COL23A1: variants seen among roughly 807,000 people sequenced by gnomAD.
COL23A1 encodes collagen alpha-1(XXIII) chain.
COL23A1 carries 97 observed loss-of-function variants against 99.3 expected under a neutral mutation model. The observed-to-expected ratio is 0.98, with a 90% CI of 0.83 to 1.16. The LOEUF (loss-of-function observed/expected upper bound fraction) is 1.16, where lower values mean the gene tolerates loss of function less well. COL23A1 is among the 50% of genes most tolerant of loss of function. COL23A1 has a pLI of 0.00. For missense variants in COL23A1, 762 were observed against 757.4 expected (o/e 1.01, Z -0.07); for synonymous variants, 320 against 308.2 (o/e 1.04, Z -0.40).
chr5:178,355,665 TG>T (rs919464775), intron 2 of COL23A1, among the ~76,000 whole-genome samples: 3 of 152,248 alleles, frequency 2.0e-5, no homozygotes, highest in African/African-American at 7.2e-5. Flanking sequence ...CCCGAGTAGC[TG>T]GGACCACAGG....
At chr5:178,260,522 C>T (rs556627493) in intron 11 of COL23A1, among the ~76,000 whole-genome samples, 7 of 152,290 alleles carry the variant, frequency 4.6e-5, no homozygotes, top group Middle Eastern at 6.8e-3. Context: ...TGGCCGGGCA[C>T]GGTGGCTCAT....
intron 2 of COL23A1, among the ~76,000 whole-genome samples, chr5:178,407,408 C>T (rs1764824383): frequency 6.6e-6 from 1 of 152,200 alleles, no homozygotes; most frequent in Non-Finnish European, 1.5e-5. Flanking sequence ...TAGCACAATA[C>T]ACAAAATGTC....
At chr5:178,259,803 C>T (rs548230851) in intron 11 of COL23A1, 56 bp from the exon 12 acceptor site, 40 of 1,507,450 alleles carry the variant, frequency 2.7e-5, no homozygotes, top group Admixed American at 2.1e-4. Context: ...GAGAGTGGCC[C>T]GGACCCCGGA....
intron 5 of COL23A1, among the ~76,000 whole-genome samples, chr5:178,273,476 A>G (rs10044002): frequency 0.015 from 2,242 of 152,296 alleles, 43 homozygotes; most frequent in African/African-American, 0.051. Flanking sequence ...GTGATCAGAG[A>G]GCTCTGGGAG....
At chr5:178,396,877 G>T (rs1764178130) in intron 2 of COL23A1, among the ~76,000 whole-genome samples, 2 of 152,178 alleles carry the variant, frequency 1.3e-5, no homozygotes, top group Admixed American at 1.3e-4. Flanking sequence ...CTGGGCTCCT[G>T]CCCAGGACTG....
chr5:178,514,439 T>C (rs1759391700), intron 2 of COL23A1, among the ~76,000 whole-genome samples: 2 of 152,248 alleles, frequency 1.3e-5, no homozygotes, highest in Non-Finnish European at 2.9e-5. Flanking sequence ...GTGGGATTGC[T>C]GGATCATATG....
At chr5:178,546,729 A>ATG (rs1397849569) in intron 2 of COL23A1, among the ~76,000 whole-genome samples, 1 of 152,218 alleles carries the variant, frequency 6.6e-6, no homozygotes, top group Admixed American at 6.5e-5. Context: ...TATTTGTACC[A>ATG]TGTAGCAAGG....
intron 2 of COL23A1, among the ~76,000 whole-genome samples, chr5:178,333,830 G>C (rs750619818): frequency 7.2e-5 from 11 of 152,174 alleles, no homozygotes; most frequent in Non-Finnish European, 1.6e-4. Flanking sequence ...AGAGAACGCA[G>C]CACGGGGAAG....
intron 2 of COL23A1, among the ~76,000 whole-genome samples, chr5:178,503,835 C>A (rs1758713831): frequency 6.6e-6 from 1 of 151,938 alleles, no homozygotes; most frequent in Non-Finnish European, 1.5e-5. Flanking sequence ...GGGGAAGGGG[C>A]ATACAAATTA....
At position 178,310,313 on chromosome 5, in the gene COL23A1, A is replaced by G. The variant is rs1312375906; in HGVS notation, c.362-3394T>C. On this transcript the variant is annotated intron_variant, in intron 2 of 28. Coordinates refer to ENST00000390654, the MANE Select transcript of COL23A1 (RefSeq NM_173465.4). This position sits in a 1 kb window ranked among gnomAD's most constrained non-coding sequence, Gnocchi z 4.3. ...ACGGCCTCTCCTGAGTCTCTGGACT[A>G]TCAGGTGCCGAGAGCCCACCATGGG... Among the ~76,000 whole-genome samples the G allele has an allele frequency of 6.6e-6, 1 of 152,148 alleles. No homozygotes were observed. Among genetic ancestry groups the G allele is most frequent in the Admixed American group, 6.5e-5 (1 of 15,284 alleles).
At chr5:178,269,724 T>C (rs1756173516) in intron 6 of COL23A1, among the ~76,000 whole-genome samples, 2 of 145,802 alleles carry the variant, frequency 1.4e-5, no homozygotes, top group South Asian at 4.4e-4. Context: ...CATCCATCCA[T>C]CCATCCACCC....
At chr5:178,382,499 C>A (rs1368669480) in intron 2 of COL23A1, among the ~76,000 whole-genome samples, 1 of 152,064 alleles carries the variant, frequency 6.6e-6, no homozygotes, top group Non-Finnish European at 1.5e-5. Flanking sequence ...CAGGGAGAGA[C>A]CTGGAGGAGG....
At chr5:178,325,057 C>T (rs1001661784) in intron 2 of COL23A1, among the ~76,000 whole-genome samples, 7 of 152,230 alleles carry the variant, frequency 4.6e-5, no homozygotes, top group African/African-American at 1.7e-4. Flanking sequence ...TGCACTGCAG[C>T]CCCAAGAGGC....
intron 2 of COL23A1, among the ~76,000 whole-genome samples, chr5:178,530,784 A>G (rs1229659588): frequency 6.6e-6 from 1 of 152,192 alleles, no homozygotes; most frequent in Non-Finnish European, 1.5e-5. Context: ...ACCTCGTTCT[A>G]GCCTCCCTCC....
Position 178,255,094 on chromosome 5 carries a change from G to T in COL23A1, c.883-68C>A. Reference sequence around the variant, plus strand: ...CTGAGTTGGAGGTGAAGTGGCAGCTGTCCCTGCATCACATCCAGAGAGAAA... The same window carrying T: ...CTGAGTTGGAGGTGAAGTGGCAGCTTTCCCTGCATCACATCCAGAGAGAAA... On this transcript the variant is annotated intron_variant, in intron 15 of 28. Transcript: ENST00000390654. This position sits in a 1 kb window ranked among gnomAD's most constrained non-coding sequence, Gnocchi z 4.2. 2 of 1,287,008 alleles carry T rather than the reference G, an allele frequency of 1.6e-6. No homozygotes were observed. Among genetic ancestry groups the T allele is most frequent in the Non-Finnish European group, 2.3e-6 (2 of 885,526 alleles). The allele number at this position is 1,287,008 out of a possible 1,614,324, so 79.7% of individuals were successfully genotyped here.
chr5:178,572,785 C>T (rs920363460), intron 1 of COL23A1, among the ~76,000 whole-genome samples: 6 of 152,280 alleles, frequency 3.9e-5, no homozygotes, highest in African/African-American at 1.2e-4. Context: ...AAACTTCCAT[C>T]AATAGCTGAA....
intron 16 of COL23A1, among the ~76,000 whole-genome samples, chr5:178,254,673 T>C (rs1765211012): frequency 6.6e-6 from 1 of 152,104 alleles, no homozygotes; most frequent in Non-Finnish European, 1.5e-5. Flanking sequence ...CCCCAGGAAA[T>C]ACTCTGCCTC....
intron 2 of COL23A1, among the ~76,000 whole-genome samples, chr5:178,520,177 A>C (rs1053213861): frequency 1.3e-5 from 2 of 152,138 alleles, no homozygotes; most frequent in African/African-American, 4.8e-5. Context: ...AGACGGGTGA[A>C]TGCATCGAAG....
In COL23A1 at chr5:178,402,261, T is replaced by A. The variant is rs574778468; in HGVS notation, c.362-95342A>T. The stretch of plus-strand genomic sequence containing the variant: ...GTCCTAGCTCCTAGGGAGGCTGAGG[T>A]GGGAGAATTGCTTGAGGCCGGGAGT... On this transcript the variant is annotated intron_variant, in intron 2 of 28. Coordinates refer to ENST00000390654, the MANE Select transcript of COL23A1 (RefSeq NM_173465.4). 3.3e-5 allele frequency among the ~76,000 whole-genome samples: 5 copies of A among 151,452 alleles called. No homozygotes were observed. The South Asian group carries it at 1.0e-3, about 32-fold the overall frequency.
Sources: gnomAD v4.1 joint callset for allele counts (sites outside exome capture counted in the v4.1 genomes callset) on GRCh38, gnomAD v4.1.1 for gene constraint, Gnocchi (gnomAD v3.1) non-coding constraint, MANE v1.5 for transcripts, NCBI Gene and HGNC (gene_info 2026-07-23, HGNC 2026-07-21) for gene names.